Variants in C12orf42 observed in about 807,000 individuals in gnomAD.
The protein encoded by C12orf42 is chromosome 12 open reading frame 42.
Under a neutral mutation model 21.6 loss-of-function variants are expected in C12orf42, and 25 were observed. That is an observed-to-expected ratio of 1.16 (90% CI 0.84 to 1.62). The LOEUF is 1.62. Ranked by LOEUF, C12orf42 falls within the 40% of genes most tolerant of loss-of-function variation. The probability of loss-of-function intolerance (pLI) is 0.00; values close to 1 mark genes in which losing one functional copy is unlikely to be tolerated. For missense variants in C12orf42, 483 were observed against 459.3 expected, an observed-to-expected ratio of 1.05 and a Z score of -0.47; for synonymous variants, 174 against 175.0, an observed-to-expected ratio of 0.99 and a Z score of 0.05.
the C12orf42 span, chr12:103,178,492 C>A: frequency 6.6e-6 from 1 of 152,104 alleles, no homozygotes; most frequent in Admixed American, 6.6e-5. Flanking sequence ...TAGGACCCGT[C>A]GGAGAGCAAG....
intron 4 of C12orf42, among the ~76,000 whole-genome samples, chr12:103,334,904 T>C (rs1047465849): frequency 6.6e-6 from 1 of 152,368 alleles, no homozygotes; most frequent in South Asian, 2.1e-4. Flanking sequence ...TGAATGCCTA[T>C]ACATTAACAA....
At chr12:103,310,827 G>T (rs910882724) in intron 4 of C12orf42, among the ~76,000 whole-genome samples, 15 of 152,158 alleles carry the variant, frequency 9.9e-5, no homozygotes, top group African/African-American at 4.8e-5. Context: ...AATTTAGCAG[G>T]CTTTCCCAAA....
chr12:103,149,916 T>A, the C12orf42 span, among the ~76,000 whole-genome samples: 5 of 152,086 alleles, frequency 3.3e-5, no homozygotes, highest in African/African-American at 1.2e-4. Context: ...TCTTTAAGGT[T>A]TAAATTAGTA....
the C12orf42 span, among the ~76,000 whole-genome samples, chr12:103,539,544 T>A: frequency 3.3e-5 from 5 of 152,162 alleles, no homozygotes; most frequent in Admixed American, 6.5e-5. Flanking sequence ...ATATATCTTA[T>A]GTCATGTATG....
intron 2 of C12orf42, among the ~76,000 whole-genome samples, chr12:103,423,051 A>T (rs977978869): frequency 5.3e-5 from 8 of 152,138 alleles, no homozygotes; most frequent in African/African-American, 1.9e-4. Flanking sequence ...CCAGAACTGT[A>T]ACAGAAATAA....
At chr12:103,402,602 A>ATACTAC (rs2048095674) in intron 2 of C12orf42, among the ~76,000 whole-genome samples, 1 of 152,230 alleles carries the variant, frequency 6.6e-6, no homozygotes, top group Admixed American at 6.5e-5. Flanking sequence ...AGGTGATTAG[A>ATACTAC]GTCTAAAGCA....
the C12orf42 span, among the ~76,000 whole-genome samples, chr12:103,066,326 T>C: frequency 1.3e-5 from 2 of 152,136 alleles, no homozygotes; most frequent in Non-Finnish European, 2.9e-5. Context: ...CTGGAGCAGG[T>C]CCTGAAGGCA....
chr12:103,142,526 A>G, the C12orf42 span, among the ~76,000 whole-genome samples: 1 of 152,228 alleles, frequency 6.6e-6, no homozygotes, highest in Non-Finnish European at 1.5e-5. Flanking sequence ...AATTTGGTAG[A>G]CTTAATTTTC....
chr12:103,087,423 G>T, the C12orf42 span, among the ~76,000 whole-genome samples: 1 of 152,174 alleles, frequency 6.6e-6, no homozygotes, highest in Admixed American at 6.5e-5. Context: ...ATCCACTTTG[G>T]ATCCTAGCAG....
intron 2 of C12orf42, among the ~76,000 whole-genome samples, chr12:103,411,033 C>T (rs2048808024): frequency 6.6e-6 from 1 of 151,974 alleles, no homozygotes; most frequent in South Asian, 2.1e-4. Context: ...CAAATATACC[C>T]CAATAACTTT....
At chr12:103,453,064 T>G (rs982812975) in intron 2 of C12orf42, among the ~76,000 whole-genome samples, 1 of 151,912 alleles carries the variant, frequency 6.6e-6, no homozygotes, top group African/African-American at 2.4e-5. Flanking sequence ...GCAATCAATT[T>G]GATAATTCTA....
intron 4 of C12orf42, among the ~76,000 whole-genome samples, chr12:103,356,593 T>C (rs895456948): frequency 5.9e-5 from 9 of 151,762 alleles, no homozygotes; most frequent in Non-Finnish European, 1.2e-4. Flanking sequence ...CCCTGAGGAA[T>C]TGCCACACTG....
At chr12:103,542,673 GA>G in the C12orf42 span, among the ~76,000 whole-genome samples, 1 of 152,232 alleles carries the variant, frequency 6.6e-6, no homozygotes, top group South Asian at 2.1e-4. Context: ...GAGAGATGGA[GA>G]AGTACTATTT....
chr12:103,071,842 C>T, the C12orf42 span, among the ~76,000 whole-genome samples: 5 of 152,094 alleles, frequency 3.3e-5, no homozygotes, highest in Admixed American at 3.3e-4. Context: ...CAGACATCAA[C>T]CTGTGGTTTC....
chr12:103,091,749 T>C, the C12orf42 span, among the ~76,000 whole-genome samples: 3 of 152,240 alleles, frequency 2.0e-5, no homozygotes, highest in African/African-American at 7.2e-5. Context: ...CTTTTGCTTT[T>C]AGAAACGCAT....
intron 4 of C12orf42, among the ~76,000 whole-genome samples, chr12:103,283,479 G>A (rs2036255941): frequency 1.3e-5 from 2 of 152,206 alleles, no homozygotes; most frequent in South Asian, 4.2e-4. Context: ...AAGGTGTCAA[G>A]GCACTTGGGG....
chr12:103,369,874 C>T (rs374045008), intron 3 of C12orf42, among the ~76,000 whole-genome samples: 2 of 152,010 alleles, frequency 1.3e-5, no homozygotes, highest in African/African-American at 2.4e-5. Context: ...CAAAAATTGA[C>T]AAATGGGATC....
At chr12:103,064,033 C>T in the C12orf42 span, among the ~76,000 whole-genome samples, 3 of 152,236 alleles carry the variant, frequency 2.0e-5, no homozygotes, top group South Asian at 6.2e-4. Flanking sequence ...GCTGGAAATG[C>T]CTGATCTCAC....
chr12:103,509,746 A>G, the C12orf42 span, among the ~76,000 whole-genome samples: 3 of 152,214 alleles, frequency 2.0e-5, no homozygotes, highest in Non-Finnish European at 2.9e-5. Context: ...GGAAGTAAAG[A>G]GAAAATCTGC....
Sources: allele counts gnomAD v4.1 joint callset (sites outside exome capture counted in the v4.1 genomes callset), GRCh38; gene constraint gnomAD v4.1.1; transcripts MANE v1.5; gene names NCBI Gene and HGNC (gene_info 2026-07-23, HGNC 2026-07-21).